The following CAMK2B variants were observed in gnomAD, a reference collection of about 807,000 sequenced individuals.
The protein encoded by CAMK2B is calcium/calmodulin-dependent protein kinase type II subunit beta.
CAMK2B carries 27 observed loss-of-function variants against 93.7 expected under a neutral mutation model. The ratio of observed to expected loss-of-function variants is 0.29; its 90% CI spans 0.21 to 0.40. The LOEUF is 0.40. Among genes scored for constraint, CAMK2B ranks in the 10% least tolerant of loss-of-function variants. The probability of loss-of-function intolerance (pLI) is 1.00; values close to 1 mark genes in which losing one functional copy is unlikely to be tolerated. For synonymous variants in CAMK2B, 374 were observed against 358.8 expected, an observed-to-expected ratio of 1.04 and a Z score of -0.48; for missense variants, 568 against 895.8, an observed-to-expected ratio of 0.63 and a Z score of 4.67.
In CAMK2B at chr7:44,285,999, AAG is replaced by A. The variant is rs569394862; in HGVS notation, c.66-1776_66-1775del. On this transcript the variant is annotated intron_variant, in intron 1 of 23. Coordinates refer to ENST00000395749, the MANE Select transcript of CAMK2B (RefSeq NM_001220.5). ...ATGTTTTTAAAGAAAAATATAAAGA[AAG>A]GATTATTATTTTTAACATATGACAT... Among the ~76,000 whole-genome samples, 3 of 152,102 alleles carry A rather than the reference AAG, an allele frequency of 2.0e-5. No homozygotes were observed. The South Asian group carries it at 6.2e-4, about 32-fold the overall frequency.
chr7:44,258,202 G>T (rs1182665976), intron 4 of CAMK2B, among the ~76,000 whole-genome samples: 1 of 152,248 alleles, frequency 6.6e-6, no homozygotes, highest in Non-Finnish European at 1.5e-5. Flanking sequence ...ACGCACTCAT[G>T]AAACACTCAC....
chr7:44,316,503 TGGTATTAG>T (rs1396473377), intron 1 of CAMK2B, among the ~76,000 whole-genome samples: 1 of 152,204 alleles, frequency 6.6e-6, no homozygotes, highest in African/African-American at 2.4e-5. Context: ...TCTTTGGTTT[TGGTATTAG>T]GGTATTGCTG....
intron 1 of CAMK2B, among the ~76,000 whole-genome samples, chr7:44,324,189 G>A (rs150836173): frequency 6.6e-6 from 1 of 152,334 alleles, no homozygotes; most frequent in African/African-American, 2.4e-5. Context: ...CCCACCACAA[G>A]GTTTCACCAG....
At position 44,218,294 on chromosome 7, in the gene CAMK2B, A is replaced by T. The variant is rs962427199; in HGVS notation, c.*1231T>A. Reference sequence around the variant, plus strand: ...GCACAGACCCTTGTCTCAGCCCAGAAGCTGGGCAGCCACCACCTCTGATCC... The same window carrying T: ...GCACAGACCCTTGTCTCAGCCCAGATGCTGGGCAGCCACCACCTCTGATCC... On this transcript the variant is annotated 3_prime_UTR_variant, in exon 24 of 24. Transcript: ENST00000395749. 1 of 152,612 alleles carries T rather than the reference A, an allele frequency of 6.6e-6. No individual in the cohort carries two copies. The highest frequency in any genetic ancestry group is 2.4e-5 in the African/African-American group (1 of 41,458). 9.5% of individuals were successfully genotyped at this position (152,612 alleles called of 1,614,324 possible).
intron 20 of CAMK2B, among the ~76,000 whole-genome samples, chr7:44,221,557 A>G (rs1562769869): frequency 6.8e-6 from 1 of 146,192 alleles, no homozygotes; most frequent in Non-Finnish European, 1.5e-5. Context: ...CAGCAGGAAG[A>G]ACGAGCGTGG....
At chr7:44,250,137 C>A (rs1380933610) in intron 5 of CAMK2B, among the ~76,000 whole-genome samples, 1 of 152,230 alleles carries the variant, frequency 6.6e-6, no homozygotes, top group Non-Finnish European at 1.5e-5. Flanking sequence ...AGGCTGCACC[C>A]AGCAGGGTAG....
intron 8 of CAMK2B, 134 bp from the exon 9 acceptor site, chr7:44,242,788 C>T (rs960503236): frequency 1.1e-5 from 7 of 655,200 alleles, no homozygotes; most frequent in South Asian, 7.0e-5. Flanking sequence ...CCTTTGCCCC[C>T]ACCTGTGCAG....
At chr7:44,237,582 G>C (rs191798300) in intron 13 of CAMK2B, among the ~76,000 whole-genome samples, 1 of 152,224 alleles carries the variant, frequency 6.6e-6, no homozygotes, top group African/African-American at 2.4e-5. Flanking sequence ...CATGGCTCCC[G>C]GCCAACCATT....
At chr7:44,323,533 G>T (rs904912528) in intron 1 of CAMK2B, among the ~76,000 whole-genome samples, 1 of 152,258 alleles carries the variant, frequency 6.6e-6, no homozygotes, top group Non-Finnish European at 1.5e-5. Flanking sequence ...CGGAGGCTCA[G>T]CGGGGAGCTG....
intron 4 of CAMK2B, among the ~76,000 whole-genome samples, chr7:44,258,492 C>G (rs963297831): frequency 3.9e-5 from 6 of 152,234 alleles, no homozygotes; most frequent in Non-Finnish European, 7.3e-5. Context: ...GCACTCACGC[C>G]AGCCAGTGGT....
chr7:44,274,950 T>C (rs1413294129), intron 2 of CAMK2B, among the ~76,000 whole-genome samples: 2 of 152,182 alleles, frequency 1.3e-5, no homozygotes, highest in Non-Finnish European at 2.9e-5. Context: ...CAACCCTCCA[T>C]CTATTTTACA....
Position 44,226,627 on chromosome 7 carries a change from T to C in CAMK2B, c.1486A>G (p.Ile496Val). The C allele has an allele frequency of 1.3e-6, 2 of 1,534,936 alleles. No individual in the cohort carries two copies. Among genetic ancestry groups the C allele is most frequent in the South Asian group, 2.5e-5 (2 of 79,316 alleles). ...GAGCCCCTCCTCACAGAGTTCAGGATGTCAGAGATCCTGGGGGCTGGGGCG... is the reference window on the plus strand; with the variant it reads ...GAGCCCCTCCTCACAGAGTTCAGGACGTCAGAGATCCTGGGGGCTGGGGCG... The part of the protein sequence containing the change: ...LSSPSPRISD[I>V]LNSVRRGSGT... Residue 496 changes from isoleucine to valine, a missense_variant, in exon 20 of 24, where the codon ATC becomes GTC. Around this residue, in one of 4 missense-constraint regions of CAMK2B, gnomAD observed 308 missense variants for 292.1 expected, o/e 1.05. Coordinates refer to ENST00000395749, the MANE Select transcript of CAMK2B (RefSeq NM_001220.5).
In CAMK2B at chr7:44,249,635, G is replaced by C. The variant is rs111491456; in HGVS notation, c.342-2443C>G. On this transcript the variant is annotated intron_variant, in intron 5 of 23. Transcript: ENST00000395749. ...TCCTCTGCCCTTGGGCACTCTCCAG[G>C]TGGAGTGATATGTGCAGAGCTTGTG... Among the ~76,000 whole-genome samples, 9 of 152,258 alleles carry C rather than the reference G, an allele frequency of 5.9e-5. No individual in the cohort carries two copies. The South Asian group carries it at 1.5e-3, about 25-fold the overall frequency.
In CAMK2B at chr7:44,242,358, G is replaced by A. The variant is rs537039052; in HGVS notation, c.697-18C>T. The A allele has an allele frequency of 2.5e-4, 396 of 1,608,698 alleles. 2 individuals are homozygous for A. The South Asian group carries it at 2.6e-3, about 10-fold the overall frequency. On this transcript the variant is annotated intron_variant, in intron 9 of 23. Coordinates refer to ENST00000395749, the MANE Select transcript of CAMK2B (RefSeq NM_001220.5). ...GACGGGAACTGCAGAAGGAAACAGCGCCCCGGCCGGGCCTGAAGCTCCCTC... is the reference window on the plus strand; with the variant it reads ...GACGGGAACTGCAGAAGGAAACAGCACCCCGGCCGGGCCTGAAGCTCCCTC...
chr7:44,249,654 G>A (rs1204975127), intron 5 of CAMK2B, among the ~76,000 whole-genome samples: 1 of 152,164 alleles, frequency 6.6e-6, no homozygotes, highest in African/African-American at 2.4e-5. Context: ...TATGTGCAGA[G>A]CTTGTGGTCA....
In CAMK2B at chr7:44,226,534, C is replaced by T. The variant is rs1013428830; in HGVS notation, c.1579G>A (p.Gly527Ser). ...PPPCPSPTIPGPLPTPSRKQE... is the reference protein window; with the variant it reads ...PPPCPSPTIPSPLPTPSRKQE... ...TACTTACATGGGGTGGGCAGGGGGCCAGGGATAGTCGGAGATGGGCAGGGC... is the reference window on the plus strand; with the variant it reads ...TACTTACATGGGGTGGGCAGGGGGCTAGGGATAGTCGGAGATGGGCAGGGC... The change falls in exon 20 of 24, where the codon GGC (glycine) becomes AGC (serine). Residue 527 changes from glycine to serine, a missense_variant. Coordinates refer to ENST00000395749, the MANE Select transcript of CAMK2B (RefSeq NM_001220.5). 6.8e-7 allele frequency: 1 copy of T among 1,462,734 alleles called. No homozygotes were observed. The highest frequency in any genetic ancestry group is 9.0e-7 in the Non-Finnish European group (1 of 1,110,292). The allele number at this position is 1,462,734 out of a possible 1,614,324, so 90.6% of individuals were successfully genotyped here.
upstream of CAMK2B, chr7:44,325,645 C>A (rs1179846932): frequency 2.0e-5 from 3 of 150,234 alleles, no homozygotes; most frequent in Admixed American, 6.8e-5. Flanking sequence ...CGCGGGGAGG[C>A]GCGGGCGCCG....
chr7:44,240,465 G>A (rs918318479), intron 12 of CAMK2B, among the ~76,000 whole-genome samples: 1 of 152,238 alleles, frequency 6.6e-6, no homozygotes, highest in Non-Finnish European at 1.5e-5. Flanking sequence ...TCGTGTTCAG[G>A]GGGTGGAGGG....
At chr7:44,273,103 C>G (rs992831388) in intron 2 of CAMK2B, among the ~76,000 whole-genome samples, 67 of 152,308 alleles carry the variant, frequency 4.4e-4, no homozygotes, top group African/African-American at 1.6e-3. Flanking sequence ...GCGTCCTCCC[C>G]ACAAGGACTG....
Sources: gnomAD v4.1 joint callset for allele counts (sites outside exome capture counted in the v4.1 genomes callset) on GRCh38, gnomAD v4.1.1 for gene constraint, gnomAD v4.1.1 regional missense constraint, MANE v1.5 for transcripts, NCBI Gene and HGNC (gene_info 2026-07-23, HGNC 2026-07-21) for gene names.